UBE2J2: variants seen among roughly 807,000 people sequenced by gnomAD.
UBE2J2 encodes ubiquitin-conjugating enzyme E2 J2.
Under a neutral mutation model 28.6 loss-of-function variants are expected in UBE2J2, and 5 were observed. That is an observed-to-expected ratio of 0.17 (90% confidence interval 0.09 to 0.37). UBE2J2 has a LOEUF of 0.37. UBE2J2 is among the 10% of genes least tolerant of loss of function. UBE2J2 has a pLI of 1.00. For synonymous variants in UBE2J2, 138 were observed against 139.7 expected (o/e 0.99, Z 0.09); for missense variants, 226 against 338.9 (o/e 0.67, Z 2.62).
intron 3 of UBE2J2, among the ~76,000 whole-genome samples, chr1:1,261,112 G>A (rs1639533347): frequency 6.6e-6 from 1 of 152,232 alleles, no homozygotes; most frequent in Admixed American, 6.5e-5. Context: ...CTAAGAAACT[G>A]AGGACTGAGA....
At chr1:1,256,286 C>T in intron 5 of UBE2J2, 161 bp from the exon 6 acceptor site, 1 of 569,190 alleles carries the variant, frequency 1.8e-6, no homozygotes, top group Non-Finnish European at 3.1e-6. Context: ...CTTACAAAGC[C>T]TTCTTAATCT....
In UBE2J2 at chr1:1,255,284, C is replaced by T; in HGVS notation, c.699G>A (p.Leu233=). ...NRHHGLLGGA[L]ANLFVIVGFA... Reference sequence around the variant, plus strand: ...ACCCAACTATCACAAACAAGTTCGCCAGGGCGCCACCCAGGAGTCCGTGGT... The same window carrying T: ...ACCCAACTATCACAAACAAGTTCGCTAGGGCGCCACCCAGGAGTCCGTGGT... The change falls in exon 7 of 7, where the codon CTG becomes CTA. Residue 233 remains leucine, a synonymous_variant. Transcript: ENST00000349431. 1 of 1,613,568 alleles carries T rather than the reference C, an allele frequency of 6.2e-7. No homozygotes were observed. The highest frequency in any genetic ancestry group is 8.5e-7 in the Non-Finnish European group (1 of 1,179,880).
At chr1:1,260,310 G>C (rs11260568) in intron 3 of UBE2J2, among the ~76,000 whole-genome samples, 5,582 of 152,316 alleles carry the variant, frequency 0.037, 178 homozygotes, top group African/African-American at 0.083. Flanking sequence ...AAGAGGAAGC[G>C]GGAACAGCCA....
intron 3 of UBE2J2, chr1:1,262,431 C>T (rs748946079): frequency 2.4e-5 from 10 of 411,006 alleles, no homozygotes; most frequent in South Asian, 1.0e-4. Flanking sequence ...TGTGTTAACT[C>T]GGCCAAAATG....
At chr1:1,259,029 A>AGTGTGTGCATGCCATCAGGACGCAC in intron 3 of UBE2J2, among the ~76,000 whole-genome samples, 1 of 139,740 alleles carries the variant, frequency 7.2e-6, no homozygotes, top group South Asian at 2.4e-4. Context: ...TGCGTGTCTG[A>AGTGTGTGCATGCCATCAGGACGCAC]GTGTGTGCAT....
intron 2 of UBE2J2, among the ~76,000 whole-genome samples, chr1:1,264,580 T>A (rs1054509838): frequency 6.6e-6 from 1 of 152,170 alleles, no homozygotes; most frequent in Admixed American, 6.5e-5. Context: ...GAGACCAGCC[T>A]GGTCAACATG....
intron 2 of UBE2J2, among the ~76,000 whole-genome samples, chr1:1,264,114 C>T (rs1012905576): frequency 3.3e-5 from 5 of 152,102 alleles, no homozygotes; most frequent in African/African-American, 1.2e-4. Context: ...GGCTCGGTAC[C>T]CCCAGCCCTT....
At position 1,256,139 on chromosome 1, in the gene UBE2J2, G is replaced by A. The variant is rs534894490; in HGVS notation, c.415-14C>T. 6 of 1,586,816 alleles carry A rather than the reference G, an allele frequency of 3.8e-6. No homozygotes were observed. The highest frequency in any genetic ancestry group is 2.2e-5 in the South Asian group (2 of 89,736). On this transcript the variant is annotated splice_polypyrimidine_tract_variant and intron_variant, in intron 5 of 6. Coordinates refer to ENST00000349431, the MANE Select transcript of UBE2J2 (RefSeq NM_058167.3). Reference sequence around the variant, plus strand: ...CAGTTGTCTTTTCTAGGAAGGAAGGGAAGGGAATCAGCCAGAAAACTAATT... The same window carrying A: ...CAGTTGTCTTTTCTAGGAAGGAAGGAAAGGGAATCAGCCAGAAAACTAATT...
Position 1,265,074 on chromosome 1 carries a change from T to C in UBE2J2, c.132-1688A>G, listed in dbSNP as rs534195620. Among the ~76,000 whole-genome samples the C allele has an allele frequency of 3.3e-5, 5 of 152,300 alleles. No individual in the cohort carries two copies. The South Asian group carries it at 6.2e-4, about 19-fold the overall frequency. On this transcript the variant is annotated intron_variant, in intron 2 of 6. Coordinates refer to ENST00000349431, the MANE Select transcript of UBE2J2 (RefSeq NM_058167.3). Reference sequence around the variant, plus strand: ...ATGCACCCAGGAATGTGGCCTTACGTTGTTACTGTGCCCAACCTGCGAAAA... The same window carrying C: ...ATGCACCCAGGAATGTGGCCTTACGCTGTTACTGTGCCCAACCTGCGAAAA...
In UBE2J2 at chr1:1,255,024, T is replaced by A; in HGVS notation, c.*179A>T. ...CCCGTGGCCAGGACAGGGCTGAGGC[T>A]CCAGTCTCCTCCAAAGCCCAGTCAC... On this transcript the variant is annotated 3_prime_UTR_variant, in exon 7 of 7. Coordinates refer to ENST00000349431, the MANE Select transcript of UBE2J2 (RefSeq NM_058167.3). The A allele has an allele frequency of 1.5e-6, 1 of 661,638 alleles. No homozygotes were observed. The highest frequency in any genetic ancestry group is 2.2e-5 in the South Asian group (1 of 45,890). 41.0% of individuals were successfully genotyped at this position (661,638 alleles called of 1,614,324 possible). A position where few individuals can be genotyped will look rare whatever the true frequency, so the allele number is the denominator to read the frequency against.
At chr1:1,256,305 T>A (rs182996342) in intron 5 of UBE2J2, 180 bp from the exon 6 acceptor site, 2 of 546,894 alleles carry the variant, frequency 3.7e-6, no homozygotes, top group East Asian at 6.4e-5. Flanking sequence ...CTTCCCCCCA[T>A]CAATTCATGA....
At chr1:1,260,018 C>T (rs1639463060) in intron 3 of UBE2J2, among the ~76,000 whole-genome samples, 1 of 152,166 alleles carries the variant, frequency 6.6e-6, no homozygotes, top group South Asian at 2.1e-4. Context: ...AATGAAAACA[C>T]GGCTTCACTG....
chr1:1,267,625 T>G (rs985323114), intron 2 of UBE2J2: 141 of 1,080,550 alleles, frequency 1.3e-4, no homozygotes, highest in Non-Finnish European at 1.6e-4. Flanking sequence ...ACACCGGAGA[T>G]TCTCTCCAGC....
In UBE2J2 at chr1:1,268,091, A is replaced by G; in HGVS notation, c.1-99T>C. The G allele has an allele frequency of 6.6e-7, 1 of 1,518,858 alleles. No homozygotes were observed. Among genetic ancestry groups the G allele is most frequent in the Non-Finnish European group, 9.0e-7 (1 of 1,110,674 alleles). The allele number at this position is 1,518,858 out of a possible 1,614,324, so 94.1% of individuals were successfully genotyped here. A position where few individuals can be genotyped will look rare whatever the true frequency, so the allele number is the denominator to read the frequency against. ...CTCCCGCCTCTGCAGCCCGCCATTC[A>G]TTCAGGGCCCGGTCACCCAGAGTCA... is the stretch of plus-strand genomic sequence containing the variant. On this transcript the variant is annotated intron_variant, in intron 1 of 6. Transcript: ENST00000349431. This position sits in a 1 kb window ranked among gnomAD's most constrained non-coding sequence, Gnocchi z 4.7.
rs1006497766 is a variant in UBE2J2 at position 1,254,963 on chromosome 1, C to A, written c.*240G>T. The A allele has an allele frequency of 8.7e-6, 4 of 458,558 alleles. No homozygotes were observed. The highest frequency in any genetic ancestry group is 8.0e-5 in the African/African-American group (4 of 50,110). The allele number at this position is 458,558 out of a possible 1,614,324, so 28.4% of individuals were successfully genotyped here. ...ACAACACGGAAGATAAGCTACAAATCCAGCACACAAGGCCCACCCACACCA... is the reference window on the plus strand; with the variant it reads ...ACAACACGGAAGATAAGCTACAAATACAGCACACAAGGCCCACCCACACCA... On this transcript the variant is annotated 3_prime_UTR_variant, in exon 7 of 7. Coordinates refer to ENST00000349431, the MANE Select transcript of UBE2J2 (RefSeq NM_058167.3).
At chr1:1,267,713 C>G in intron 2 of UBE2J2, 149 bp downstream of exon 2, 2 of 1,492,888 alleles carry the variant, frequency 1.3e-6, no homozygotes, top group Non-Finnish European at 1.8e-6. Flanking sequence ...TGTCCACAGG[C>G]CCCTGGGCAC....
intron 1 of UBE2J2, among the ~76,000 whole-genome samples, chr1:1,271,357 A>G (rs1180944833): frequency 6.6e-6 from 1 of 152,252 alleles, no homozygotes; most frequent in Non-Finnish European, 1.5e-5. Context: ...ACACTCTGCC[A>G]TATACAAAAT....
At chr1:1,272,708 C>G (rs1640219067) in intron 1 of UBE2J2, 1 of 193,180 alleles carries the variant, frequency 5.2e-6, no homozygotes, top group Admixed American at 6.3e-5. Context: ...GCTCACCTGC[C>G]TGTCACTCAC....
intron 3 of UBE2J2, chr1:1,262,445 T>C (rs1242489959): frequency 2.6e-6 from 1 of 390,242 alleles, no homozygotes; most frequent in African/African-American, 2.1e-5. Context: ...CAAAATGCCT[T>C]CAGGAGAGCC....
Sources: gnomAD v4.1 joint callset for allele counts (sites outside exome capture counted in the v4.1 genomes callset) on GRCh38, gnomAD v4.1.1 for gene constraint, Gnocchi (gnomAD v3.1) non-coding constraint, MANE v1.5 for transcripts, NCBI Gene and HGNC (gene_info 2026-07-23, HGNC 2026-07-21) for gene names.